Variants in GALNT17 observed in about 807,000 individuals in gnomAD.
GALNT17 encodes the protein polypeptide N-acetylgalactosaminyltransferase 17.
Under a neutral mutation model 63.7 loss-of-function variants are expected in GALNT17, and 29 were observed. The ratio of observed to expected loss-of-function variants is 0.46; its 90% CI spans 0.34 to 0.62. The LOEUF is 0.62. Among genes scored for constraint, GALNT17 ranks in the 20% least tolerant of loss-of-function variants. GALNT17 has a pLI of 0.01. For synonymous variants in GALNT17, 305 were observed against 318.3 expected, an observed-to-expected ratio of 0.96 and a Z score of 0.45; for missense variants, 603 against 799.6, an observed-to-expected ratio of 0.75 and a Z score of 2.97.
At chr7:71,278,263 C>T (rs1790717032) in intron 1 of GALNT17, among the ~76,000 whole-genome samples, 1 of 152,168 alleles carries the variant, frequency 6.6e-6, no homozygotes, top group Non-Finnish European at 1.5e-5. Context: ...CTCCAGGTTA[C>T]CTGCAACCTT....
chr7:71,470,700 A>G (rs1204796516), intron 5 of GALNT17, among the ~76,000 whole-genome samples: 7 of 152,166 alleles, frequency 4.6e-5, no homozygotes, highest in African/African-American at 1.7e-4. Context: ...TTCTAAAAAC[A>G]AGTGACTAGG....
At chr7:71,605,232 T>A (rs540022298) in intron 6 of GALNT17, among the ~76,000 whole-genome samples, 1 of 152,276 alleles carries the variant, frequency 6.6e-6, no homozygotes, top group African/African-American at 2.4e-5. Context: ...CTTTTGCTCA[T>A]GTATTCAATA....
chr7:71,322,809 G>A (rs11760862), intron 1 of GALNT17, among the ~76,000 whole-genome samples: 1,573 of 152,154 alleles, frequency 0.01, 52 homozygotes, highest in Non-Finnish European at 8.3e-3. Flanking sequence ...CAAGAATGAG[G>A]CCATCTGCAA....
chr7:71,311,455 G>C (rs758894424), intron 1 of GALNT17, among the ~76,000 whole-genome samples: 6 of 152,128 alleles, frequency 3.9e-5, no homozygotes, highest in Non-Finnish European at 8.8e-5. Flanking sequence ...GTTATTGCAA[G>C]ACCCCCATCT....
At chr7:71,182,852 C>T (rs1304912830) in intron 1 of GALNT17, among the ~76,000 whole-genome samples, 1 of 152,126 alleles carries the variant, frequency 6.6e-6, no homozygotes, top group Non-Finnish European at 1.5e-5. Context: ...GGTCATCTTG[C>T]CCATTTGTCA....
chr7:71,377,114 A>AAAAAATATATATATATAT lies in GALNT17; in HGVS notation c.423-11120_423-11119insAAAATATATATATATATA. On this transcript the variant is annotated intron_variant, in intron 2 of 10. Coordinates refer to ENST00000333538, the MANE Select transcript of GALNT17 (RefSeq NM_022479.3). The stretch of plus-strand genomic sequence containing the variant: ...AAAAAAAAAAAATAAAAATAAAAAA[A>AAAAAATATATATATATAT]ATATATATATATATATATATATATA... 4.4e-4 allele frequency among the ~76,000 whole-genome samples: 25 copies of AAAAAATATATATATATAT among 57,442 alleles called. 2 individuals are homozygous for AAAAAATATATATATATAT. The highest frequency in any genetic ancestry group is 1.8e-3 in the African/African-American group (19 of 10,656). The allele number at this position is 57,442 out of a possible 152,430, so 37.7% of individuals were successfully genotyped here. A position where few individuals can be genotyped will look rare whatever the true frequency, so the allele number is the denominator to read the frequency against.
intron 2 of GALNT17, among the ~76,000 whole-genome samples, chr7:71,387,466 C>T (rs1792967574): frequency 6.6e-6 from 1 of 151,856 alleles, no homozygotes; most frequent in Admixed American, 6.6e-5. Context: ...GCTGTGAATA[C>T]AGCCATGCAC....
chr7:71,464,102 T>G (rs1361274377), intron 5 of GALNT17, among the ~76,000 whole-genome samples: 1 of 152,096 alleles, frequency 6.6e-6, no homozygotes, highest in Non-Finnish European at 1.5e-5. Flanking sequence ...AACCTCCAAG[T>G]CTTTTCAACC....
intron 5 of GALNT17, among the ~76,000 whole-genome samples, chr7:71,458,270 G>A (rs912987282): frequency 1.3e-5 from 2 of 152,122 alleles, no homozygotes; most frequent in African/African-American, 2.4e-5. Flanking sequence ...CAACTACATC[G>A]AAACAGGAGA....
chr7:71,687,334 G>T (rs1162050643), intron 9 of GALNT17, among the ~76,000 whole-genome samples: 1 of 152,118 alleles, frequency 6.6e-6, no homozygotes, highest in African/African-American at 2.4e-5. Context: ...ATGATGCATT[G>T]TGCCAATAAG....
chr7:71,539,707 C>CTTTTTT lies in GALNT17; in HGVS notation c.963-31558_963-31553dup, dbSNP rs71089953. Among the ~76,000 whole-genome samples the CTTTTTT allele has an allele frequency of 4.3e-3, 307 of 71,444 alleles. 17 individuals carry two copies. The highest frequency in any genetic ancestry group is 9.0e-3 in the African/African-American group (157 of 17,394). 46.9% of individuals were successfully genotyped at this position (71,444 alleles called of 152,430 possible). Reference sequence around the variant, plus strand: ...ATCTATTTCAGGAGTTTAGTCCCACCTTTTTTTTTTTTTTTTTTTTTTTTT... The same window carrying CTTTTTT: ...ATCTATTTCAGGAGTTTAGTCCCACCTTTTTTTTTTTTTTTTTTTTTTTTTTTTTTT... On this transcript the variant is annotated intron_variant, in intron 5 of 10. Transcript: ENST00000333538.
At chr7:71,335,188 G>A (rs766941660) in intron 1 of GALNT17, among the ~76,000 whole-genome samples, 2 of 152,096 alleles carry the variant, frequency 1.3e-5, no homozygotes, top group Non-Finnish European at 2.9e-5. Context: ...CTGGAGTGCA[G>A]TGGTGTGATC....
At chr7:71,673,114 C>G (rs539259829) in intron 8 of GALNT17, among the ~76,000 whole-genome samples, 9 of 151,964 alleles carry the variant, frequency 5.9e-5, no homozygotes, top group Admixed American at 1.3e-4. Flanking sequence ...CAAATTGAAA[C>G]AAGCCTTTTA....
At chr7:71,180,156 C>T (rs572248046) in intron 1 of GALNT17, among the ~76,000 whole-genome samples, 3 of 151,750 alleles carry the variant, frequency 2.0e-5, no homozygotes, top group East Asian at 1.9e-4. Context: ...GATGGAGTGT[C>T]GCTCTGTCGC....
chr7:71,354,297 T>C (rs1383240903), intron 2 of GALNT17, among the ~76,000 whole-genome samples: 1 of 152,190 alleles, frequency 6.6e-6, no homozygotes, highest in African/African-American at 2.4e-5. Flanking sequence ...AACCCTTGCC[T>C]TTCCTGTCTT....
At chr7:71,563,649 TG>T (rs1471340840) in intron 5 of GALNT17, among the ~76,000 whole-genome samples, 3 of 151,866 alleles carry the variant, frequency 2.0e-5, no homozygotes, top group Non-Finnish European at 4.4e-5. Context: ...AGTACAGTGG[TG>T]CAATTGCAGC....
At chr7:71,495,941 A>G (rs1339000024) in intron 5 of GALNT17, among the ~76,000 whole-genome samples, 8 of 152,170 alleles carry the variant, frequency 5.3e-5, no homozygotes, top group Admixed American at 5.2e-4. Flanking sequence ...AGCAAAGAAT[A>G]TTGAGAGTCC....
At chr7:71,622,703 C>T (rs868691331) in intron 6 of GALNT17, among the ~76,000 whole-genome samples, 1 of 152,112 alleles carries the variant, frequency 6.6e-6, no homozygotes, top group Non-Finnish European at 1.5e-5. Context: ...CTCTTCTGGT[C>T]TGGTTAGAGA....
At chr7:71,313,595 G>A (rs552891168) in intron 1 of GALNT17, among the ~76,000 whole-genome samples, 1 of 152,334 alleles carries the variant, frequency 6.6e-6, no homozygotes, top group East Asian at 1.9e-4. Context: ...TAACTTCAAT[G>A]TGTGTCAGGT....
Sources: allele counts gnomAD v4.1 joint callset (sites outside exome capture counted in the v4.1 genomes callset), GRCh38; gene constraint gnomAD v4.1.1; transcripts MANE v1.5; gene names NCBI Gene and HGNC (gene_info 2026-07-23, HGNC 2026-07-21).